RNF111: variants seen among roughly 807,000 people sequenced by gnomAD.
RNF111 encodes ring finger protein 111.
In RNF111, 17 loss-of-function variants were observed where a neutral mutation model predicts 95.1. That is an observed-to-expected ratio of 0.18 (90% CI 0.12 to 0.27). The LOEUF is 0.27. Among genes scored for constraint, RNF111 ranks in the 10% least tolerant of loss-of-function variants. The pLI, the probability that RNF111 is intolerant of heterozygous loss-of-function variation, is 1.00. For synonymous variants in RNF111, 440 were observed against 414.8 expected, an observed-to-expected ratio of 1.06 and a Z score of -0.74; for missense variants, 1,189 against 1,210.4, an observed-to-expected ratio of 0.98 and a Z score of 0.26.
chr15:59,015,932 A>G (rs1002532123), intron 1 of RNF111, among the ~76,000 whole-genome samples: 24 of 151,788 alleles, frequency 1.6e-4, no homozygotes, highest in Non-Finnish European at 3.4e-4. Context: ...GCCCACTGCA[A>G]CCTCTGCCCC....
chr15:59,030,303 A>C (rs1199794224), intron 1 of RNF111, among the ~76,000 whole-genome samples: 8 of 152,190 alleles, frequency 5.3e-5, no homozygotes, highest in African/African-American at 1.9e-4. Context: ...AGAGAAGCTT[A>C]TATTCATTAG....
intron 13 of RNF111, 55 bp from the exon 14 acceptor site, chr15:59,094,728 T>C (rs1460238426): frequency 9.6e-6 from 9 of 936,338 alleles, no homozygotes; most frequent in African/African-American, 1.6e-5. Context: ...ATTTGTTAAC[T>C]ACGTACAATT....
chr15:59,012,380 C>G (rs1177926523), intron 1 of RNF111, among the ~76,000 whole-genome samples: 3 of 152,054 alleles, frequency 2.0e-5, no homozygotes, highest in Admixed American at 6.5e-5. Context: ...GACCCTTAGC[C>G]TTTAGTGCTT....
Position 59,075,966 on chromosome 15 carries a change from G to T in RNF111, c.1699G>T (p.Val567Leu). The T allele has an allele frequency of 6.2e-7, 1 of 1,614,148 alleles. No homozygotes were observed. Among genetic ancestry groups the T allele is most frequent in the Non-Finnish European group, 8.5e-7 (1 of 1,180,028 alleles). ...TSYHEQQALP[V>L]DLSNSGIRSH... ...CCTTTTTATCTAGCAGGCATTGCCA[G>T]TGGACCTGAGCAACAGTGGTATCAG... Residue 567 changes from valine (V) to leucine (L), a missense_variant, in exon 7 of 14, where the codon GTG (valine) becomes TTG (leucine). Transcript: ENST00000348370.
At chr15:59,056,636 A>G (rs1175261485) in intron 4 of RNF111, among the ~76,000 whole-genome samples, 1 of 152,174 alleles carries the variant, frequency 6.6e-6, no homozygotes, top group Non-Finnish European at 1.5e-5. Flanking sequence ...CAGCTCTTCT[A>G]TGGGCTATTT....
In RNF111 at chr15:58,987,709, G is replaced by A. The variant is rs1893657949; in HGVS notation, c.-379G>A. On this transcript the variant is annotated 5_prime_UTR_variant, in exon 1 of 14. Coordinates refer to ENST00000348370, the MANE Select transcript of RNF111 (RefSeq NM_017610.8). ...GGGGAGGAATTGGTTAGGCGGCGGC[G>A]GCGGCGAAGCGGCGGCGGCGGCTGT... The A allele has an allele frequency of 5.6e-6, 1 of 179,778 alleles. No homozygotes were observed. Among genetic ancestry groups the A allele is most frequent in the Non-Finnish European group, 1.1e-5 (1 of 88,234 alleles). 11.1% of individuals were successfully genotyped at this position (179,778 alleles called of 1,614,324 possible). A position where few individuals can be genotyped will look rare whatever the true frequency, so the allele number is the denominator to read the frequency against.
chr15:59,054,240 C>T (rs570506321), intron 3 of RNF111, among the ~76,000 whole-genome samples: 1 of 152,228 alleles, frequency 6.6e-6, no homozygotes, highest in African/African-American at 2.4e-5. Context: ...CCTGGCCTGG[C>T]CCTTTCATTT....
intron 5 of RNF111, among the ~76,000 whole-genome samples, chr15:59,060,293 T>C (rs769978896): frequency 1.3e-5 from 2 of 151,916 alleles, no homozygotes; most frequent in African/African-American, 4.8e-5. Context: ...TGTTATTGTA[T>C]ATATTTTAAT....
intron 1 of RNF111, among the ~76,000 whole-genome samples, chr15:59,021,169 G>T (rs755419018): frequency 3.9e-5 from 6 of 151,944 alleles, no homozygotes; most frequent in Non-Finnish European, 8.8e-5. Flanking sequence ...TTGTTTGTTT[G>T]AGATGAAGTC....
chr15:59,087,733 T>TG lies in RNF111; in HGVS notation c.2551-1930dup, dbSNP rs1457831734. Among the ~76,000 whole-genome samples, 7 of 152,256 alleles carry TG rather than the reference T, an allele frequency of 4.6e-5. No individual in the cohort carries two copies. In the East Asian group the frequency reaches 1.4e-3, roughly 29 times the overall value. On this transcript the variant is annotated intron_variant, in intron 10 of 13. Transcript: ENST00000348370. ...AAGGAGGGATTCATCTTGCTGTCTC[T>TG]GGGGTGGCAGAGGTGGCAGAAAATC... is the stretch of plus-strand genomic sequence containing the variant.
chr15:59,046,180 C>G (rs1459680282), intron 2 of RNF111, among the ~76,000 whole-genome samples: 1 of 144,082 alleles, frequency 6.9e-6, no homozygotes, highest in East Asian at 2.1e-4. Context: ...CTCCTATTTG[C>G]TGCTTTTTTT....
At chr15:59,042,922 A>G (rs375914252) in intron 2 of RNF111, among the ~76,000 whole-genome samples, 5 of 152,162 alleles carry the variant, frequency 3.3e-5, no homozygotes, top group South Asian at 2.1e-4. Flanking sequence ...GGGGAGGTCT[A>G]TGATGGTATT....
intron 1 of RNF111, among the ~76,000 whole-genome samples, chr15:59,015,531 C>T (rs1567212411): frequency 6.6e-6 from 1 of 152,002 alleles, no homozygotes; most frequent in Non-Finnish European, 1.5e-5. Flanking sequence ...CTGTTCCCTT[C>T]AGCTCCTCAG....
chr15:59,060,842 C>T (rs561990468), intron 5 of RNF111, among the ~76,000 whole-genome samples: 12 of 149,488 alleles, frequency 8.0e-5, no homozygotes, highest in East Asian at 5.9e-4. Context: ...GACTCTGTTG[C>T]CCAGGCCTGT....
chr15:59,081,946 GCCC>G (rs1351795049), intron 8 of RNF111, among the ~76,000 whole-genome samples: 1 of 152,152 alleles, frequency 6.6e-6, no homozygotes, highest in East Asian at 1.9e-4. Context: ...GATCGTCTGA[GCCC>G]AGGGGGTCAA....
chr15:59,022,441 T>A (rs2040391939), intron 1 of RNF111, among the ~76,000 whole-genome samples: 1 of 152,218 alleles, frequency 6.6e-6, no homozygotes, highest in African/African-American at 2.4e-5. Flanking sequence ...TCCCAAAAGA[T>A]AACTTTGACT....
At position 59,081,268 on chromosome 15, in the gene RNF111, A is replaced by G; in HGVS notation, c.2281A>G (p.Met761Val). The part of the protein sequence containing the change: ...MQRMEVQRRR[M>V]MQHPTRAHER... ...GAGGATGGAAGTTCAAAGGAGGAGG[A>G]TGATGCAGCATCCAACGTATGTTTT... The change falls in exon 8 of 14, where the codon ATG becomes GTG. Residue 761 changes from methionine to valine, a missense_variant. Transcript: ENST00000348370. The G allele has an allele frequency of 6.2e-7, 1 of 1,613,668 alleles. No homozygotes were observed.
At chr15:59,058,179 C>T (rs759877492) in intron 4 of RNF111, among the ~76,000 whole-genome samples, 177 bp from the exon 5 acceptor site, 49 of 152,124 alleles carry the variant, frequency 3.2e-4, no homozygotes, top group Non-Finnish European at 5.6e-4. Flanking sequence ...TTTGGTAACA[C>T]GTCTGTTCGA....
At chr15:59,050,317 C>T (rs1468433649) in intron 2 of RNF111, 1 of 152,340 alleles carries the variant, frequency 6.6e-6, no homozygotes, top group East Asian at 1.9e-4. Flanking sequence ...AAAGGAACAA[C>T]TCCATGTTTT....
Sources: allele counts gnomAD v4.1 joint callset (sites outside exome capture counted in the v4.1 genomes callset), GRCh38; gene constraint gnomAD v4.1.1; transcripts MANE v1.5; gene names NCBI Gene and HGNC (gene_info 2026-07-23, HGNC 2026-07-21).